The following TMTC2 variants were observed in gnomAD, a reference collection of about 807,000 sequenced individuals.
The protein encoded by TMTC2 is protein O-mannosyl-transferase TMTC2.
A neutral mutation model predicts 82.4 loss-of-function variants in TMTC2; 43 were observed. The ratio of observed to expected loss-of-function variants is 0.52; its 90% CI spans 0.41 to 0.67. The LOEUF (loss-of-function observed/expected upper bound fraction) is 0.67. Ranked by LOEUF, TMTC2 falls within the 30% of genes least tolerant of loss-of-function variation. TMTC2 has a pLI of 0.00. For missense variants in TMTC2, 919 were observed against 1,012.4 expected, an observed-to-expected ratio of 0.91 and a Z score of 1.25; for synonymous variants, 408 against 381.9, an observed-to-expected ratio of 1.07 and a Z score of -0.80.
chr12:82,870,544 A>G (rs1365968610), intron 2 of TMTC2, among the ~76,000 whole-genome samples: 1 of 152,234 alleles, frequency 6.6e-6, no homozygotes, highest in Non-Finnish European at 1.5e-5. Flanking sequence ...ACCTTCTTTC[A>G]ATTCTACACA....
At chr12:83,080,588 G>A (rs1883432012) in intron 11 of TMTC2, among the ~76,000 whole-genome samples, 1 of 152,144 alleles carries the variant, frequency 6.6e-6, no homozygotes, top group Non-Finnish European at 1.5e-5. Flanking sequence ...GCCACAGCTA[G>A]TGGCAGAAAC....
intron 8 of TMTC2, among the ~76,000 whole-genome samples, chr12:83,011,617 G>A (rs1379864508): frequency 1.3e-5 from 2 of 152,152 alleles, no homozygotes; most frequent in Admixed American, 6.5e-5. Flanking sequence ...AACTCCCTAA[G>A]TATGTTCCAT....
chr12:82,910,709 C>T (rs925590360), intron 3 of TMTC2, among the ~76,000 whole-genome samples: 1 of 152,126 alleles, frequency 6.6e-6, no homozygotes, highest in Non-Finnish European at 1.5e-5. Context: ...AGCCTGGGCT[C>T]TCCTCTGATT....
intron 3 of TMTC2, among the ~76,000 whole-genome samples, chr12:82,900,646 ATC>A (rs1253267789): frequency 6.9e-6 from 1 of 145,724 alleles, no homozygotes; most frequent in Non-Finnish European, 1.5e-5. Context: ...AGGAATATAT[ATC>A]TCTGGAATAT....
At chr12:82,988,633 C>A (rs943679739) in intron 8 of TMTC2, among the ~76,000 whole-genome samples, 1 of 151,748 alleles carries the variant, frequency 6.6e-6, no homozygotes, top group Non-Finnish European at 1.5e-5. Flanking sequence ...GTACTCAGAT[C>A]CTTAATACCC....
intron 1 of TMTC2, among the ~76,000 whole-genome samples, chr12:82,834,141 C>T (rs1869899077): frequency 1.3e-5 from 2 of 152,026 alleles, no homozygotes; most frequent in East Asian, 3.9e-4. Context: ...CAAGGCAAAA[C>T]ATATTAACAA....
chr12:83,054,497 C>A (rs140996634), intron 10 of TMTC2, among the ~76,000 whole-genome samples: 3 of 151,612 alleles, frequency 2.0e-5, no homozygotes, highest in African/African-American at 7.3e-5. Flanking sequence ...AGATTGGGAA[C>A]TCACATGCAT....
At chr12:82,821,014 G>A (rs2137062831) in intron 1 of TMTC2, among the ~76,000 whole-genome samples, 1 of 152,052 alleles carries the variant, frequency 6.6e-6, no homozygotes, top group East Asian at 1.9e-4. Flanking sequence ...GCATGCCATT[G>A]TGCCTGGATA....
At chr12:82,876,055 T>TGGC (rs1872505870) in intron 2 of TMTC2, among the ~76,000 whole-genome samples, 1 of 126,460 alleles carries the variant, frequency 7.9e-6, no homozygotes, top group South Asian at 3.0e-4. Flanking sequence ...GTGGTGGTGG[T>TGGC]GGTGGTGGTG....
intron 1 of TMTC2, among the ~76,000 whole-genome samples, chr12:82,813,368 C>T (rs2111): frequency 0.044 from 6,746 of 152,126 alleles, 236 homozygotes; most frequent in Middle Eastern, 0.14. Context: ...CTCTCTTTAC[C>T]AAGTGTTAAC....
intron 2 of TMTC2, among the ~76,000 whole-genome samples, chr12:82,876,452 C>T (rs1324803245): frequency 6.6e-6 from 1 of 151,928 alleles, no homozygotes; most frequent in Admixed American, 6.6e-5. Flanking sequence ...AAAAATGGGC[C>T]GTGTTTTTTC....
intron 1 of TMTC2, among the ~76,000 whole-genome samples, chr12:82,846,130 A>G (rs1445029864): frequency 1.3e-5 from 2 of 152,070 alleles, no homozygotes; most frequent in African/African-American, 4.8e-5. Flanking sequence ...AGGCCGAGGC[A>G]GGCAGATCAC....
intron 11 of TMTC2, among the ~76,000 whole-genome samples, chr12:83,091,376 T>C (rs917838491): frequency 6.6e-6 from 1 of 152,216 alleles, no homozygotes; most frequent in African/African-American, 2.4e-5. Context: ...TCCTTTTGCA[T>C]ATTTCCTTAC....
intron 8 of TMTC2, among the ~76,000 whole-genome samples, chr12:83,029,493 A>G (rs1176668671): frequency 2.0e-5 from 3 of 152,210 alleles, no homozygotes; most frequent in Non-Finnish European, 4.4e-5. Flanking sequence ...TCTTCATAAC[A>G]ATAGTTTTAA....
intron 8 of TMTC2, among the ~76,000 whole-genome samples, chr12:83,010,735 A>G (rs1395851923): frequency 1.3e-5 from 2 of 152,162 alleles, no homozygotes; most frequent in African/African-American, 2.4e-5. Flanking sequence ...ATCAGGAACC[A>G]CCGATATTCG....
At chr12:82,986,532 A>G (rs1879162489) in intron 8 of TMTC2, 1 of 154,522 alleles carries the variant, frequency 6.5e-6, no homozygotes, top group Non-Finnish European at 1.4e-5. Flanking sequence ...TCATATTTGC[A>G]TAAATATTAT....
intron 11 of TMTC2, among the ~76,000 whole-genome samples, chr12:83,104,219 A>G (rs1165451025): frequency 1.3e-5 from 2 of 152,152 alleles, no homozygotes; most frequent in African/African-American, 4.8e-5. Flanking sequence ...CCAGAGTGCA[A>G]TCTCCTGGTG....
Position 82,836,989 on chromosome 12 carries a change from C to A in TMTC2, c.84-20021C>A, listed in dbSNP as rs1870079840. On this transcript the variant is annotated intron_variant, in intron 1 of 11. Transcript: ENST00000321196. ...CTTTTTTCCTTTTCATCCTCGAATT[C>A]ATTTAGTTTCTAATTAGTAAAGTAT... is the stretch of plus-strand genomic sequence containing the variant. 5.3e-5 allele frequency among the ~76,000 whole-genome samples: 8 copies of A among 152,262 alleles called. No homozygotes were observed. The South Asian group carries it at 1.7e-3, about 32-fold the overall frequency.
chr12:82,745,986 C>A (rs981728683), intron 1 of TMTC2, among the ~76,000 whole-genome samples: 1 of 152,188 alleles, frequency 6.6e-6, no homozygotes, highest in Non-Finnish European at 1.5e-5. Flanking sequence ...TATCAGCACT[C>A]TTGAAGGTGC....
Sources: gnomAD v4.1 joint callset for allele counts (sites outside exome capture counted in the v4.1 genomes callset) on GRCh38, gnomAD v4.1.1 for gene constraint, MANE v1.5 for transcripts, NCBI Gene and HGNC (gene_info 2026-07-23, HGNC 2026-07-21) for gene names.